The following SLC41A3 variants were observed in gnomAD, a reference collection of about 807,000 sequenced individuals.
SLC41A3 encodes the protein solute carrier family 41 member 3, also known as SLC41A1-like 2.
SLC41A3 carries 44 observed loss-of-function variants against 45.4 expected under a neutral mutation model. That is an observed-to-expected ratio of 0.97 (90% CI 0.76 to 1.25). The LOEUF (loss-of-function observed/expected upper bound fraction) is 1.25. SLC41A3 is among the 50% of genes most tolerant of loss of function. SLC41A3 has a pLI of 0.00. For synonymous variants in SLC41A3, 256 were observed against 252.4 expected, an observed-to-expected ratio of 1.01 and a Z score of -0.13; for missense variants, 550 against 600.6, an observed-to-expected ratio of 0.92 and a Z score of 0.88.
intron 2 of SLC41A3, among the ~76,000 whole-genome samples, chr3:126,059,794 GACA>G (rs1559870642): frequency 4.6e-5 from 7 of 152,310 alleles, no homozygotes; most frequent in Middle Eastern, 3.4e-3. Flanking sequence ...CCTGGTTAAA[GACA>G]GAGTCCTCTG....
intron 2 of SLC41A3, chr3:126,056,295 T>C: frequency 6.4e-7 from 1 of 1,567,872 alleles, no homozygotes; most frequent in Admixed American, 1.7e-5. Context: ...GCCCTGTCTG[T>C]GGTGCCAGGA....
intron 2 of SLC41A3, among the ~76,000 whole-genome samples, chr3:126,064,334 T>C (rs1437222588): frequency 2.6e-5 from 4 of 152,048 alleles, no homozygotes; most frequent in Admixed American, 2.6e-4. Flanking sequence ...TGCCACCCTG[T>C]GGAATTACGC....
intron 8 of SLC41A3, among the ~76,000 whole-genome samples, chr3:126,013,881 C>A (rs76132619): frequency 0.017 from 2,512 of 152,146 alleles, 65 homozygotes; most frequent in Non-Finnish European, 0.018. Context: ...ACACAGAACC[C>A]TAGAGGCAGA....
Position 126,015,412 on chromosome 3 carries a change from C to CT in SLC41A3, c.970+81dup, listed in dbSNP as rs1940173683. On this transcript the variant is annotated intron_variant, in intron 8 of 10. Transcript: ENST00000360370. ...CCTGTGCGGGGCTGGTGCTGCCCCT[C>CT]TGAGGTCTGCTGTTCCGGTCCAACC... The CT allele has an allele frequency of 2.3e-5, 33 of 1,427,126 alleles. No individual in the cohort carries two copies. In the East Asian group the frequency reaches 7.6e-4, roughly 33 times the overall value. 88.4% of individuals were successfully genotyped at this position (1,427,126 alleles called of 1,614,324 possible). A position where few individuals can be genotyped will look rare whatever the true frequency, so the allele number is the denominator to read the frequency against.
rs561162701 is a variant in SLC41A3, at chr3:126,026,183, G to A, written c.598+152C>T. On this transcript the variant is annotated intron_variant, in intron 5 of 10. Coordinates refer to ENST00000360370, the MANE Select transcript of SLC41A3 (RefSeq NM_017836.4). The surrounding 1 kb of genome is among the most constrained non-coding windows in gnomAD (Gnocchi z 4.2). ...TGGGCCATGAAGACCCAGCTGGCTC[G>A]TCCCACCCTGCCAGTGAGAACCCTG... 1.0e-4 allele frequency: 128 copies of A among 1,250,590 alleles called. 1 individual carries two copies. Among genetic ancestry groups the A allele is most frequent in the South Asian group, 3.0e-4 (19 of 64,062 alleles). 77.5% of individuals were successfully genotyped at this position (1,250,590 alleles called of 1,614,324 possible).
At chr3:126,025,556 G>A (rs1284112101) in intron 5 of SLC41A3, 1 of 152,096 alleles carries the variant, frequency 6.6e-6, no homozygotes, top group African/African-American at 2.4e-5. Flanking sequence ...CCCACATGTT[G>A]AAATCCTCAC....
chr3:126,068,604 C>T (rs907903243), intron 1 of SLC41A3, among the ~76,000 whole-genome samples: 1 of 152,178 alleles, frequency 6.6e-6, no homozygotes, highest in Non-Finnish European at 1.5e-5. Flanking sequence ...CTCAAGGCAT[C>T]CAGGAATACC....
intron 1 of SLC41A3, among the ~76,000 whole-genome samples, chr3:126,090,697 C>G (rs1945473664): frequency 6.6e-6 from 1 of 152,106 alleles, no homozygotes; most frequent in South Asian, 2.1e-4. Context: ...AGATGAGTCC[C>G]TCGTTTAGCA....
Position 126,008,377 on chromosome 3 carries a change from G to A in SLC41A3, c.1254+355C>T, listed in dbSNP as rs1939339644. Among the ~76,000 whole-genome samples the A allele has an allele frequency of 4.0e-5, 6 of 151,758 alleles. No homozygotes were observed. The South Asian group carries it at 1.2e-3, about 31-fold the overall frequency. ...GTGTGCACTGTGTGGTGTGGAGTGT[G>A]TGGTGTGAAGTGTGTGGTGTGGAGT... On this transcript the variant is annotated intron_variant, in intron 10 of 10. Transcript: ENST00000360370.
In SLC41A3 at chr3:126,008,837, G is replaced by A; in HGVS notation, c.1149C>T (p.Val383=). 6.2e-7 allele frequency: 1 copy of A among 1,614,140 alleles called. No homozygotes were observed. The highest frequency in any genetic ancestry group is 8.5e-7 in the Non-Finnish European group (1 of 1,180,022). The change falls in exon 10 of 11, where the codon GTC becomes GTT. Residue 383 remains valine (V), a synonymous_variant. Transcript: ENST00000360370. ...MSARVLLLLV[V]PGHLIFFYII... is the part of the protein sequence containing the mutation. ...TGTAGAAGAAAATCAGATGGCCTGG[G>A]ACCACCAGCAAGAGCAGGACTCGAG... is the stretch of plus-strand genomic sequence containing the variant.
At chr3:126,011,822 G>T (rs1939743698) in intron 9 of SLC41A3, among the ~76,000 whole-genome samples, 1 of 152,182 alleles carries the variant, frequency 6.6e-6, no homozygotes, top group African/African-American at 2.4e-5. Flanking sequence ...TACAACCAGT[G>T]AAAATATCCT....
At chr3:126,043,425 C>T (rs888646438) in intron 3 of SLC41A3, among the ~76,000 whole-genome samples, 3 of 151,848 alleles carry the variant, frequency 2.0e-5, no homozygotes, top group African/African-American at 7.3e-5. Flanking sequence ...TGAAAGAATG[C>T]CAGACAGGAA....
In SLC41A3 at chr3:126,068,235, C is replaced by T. The variant is rs752040547; in HGVS notation, c.-16G>A. 8.9e-5 allele frequency: 133 copies of T among 1,500,464 alleles called. 1 individual carries two copies. The highest frequency in any genetic ancestry group is 2.2e-4 in the Middle Eastern group (1 of 4,508). The allele number at this position is 1,500,464 out of a possible 1,614,324, so 92.9% of individuals were successfully genotyped here. A position where few individuals can be genotyped will look rare whatever the true frequency, so the allele number is the denominator to read the frequency against. On this transcript the variant is annotated 5_prime_UTR_variant, in exon 2 of 11. Coordinates refer to ENST00000360370, the MANE Select transcript of SLC41A3 (RefSeq NM_017836.4). ...TCCCATCCATCTGGGCACAGCTGGG[C>T]GCCTGGCAGCCCTACAGTGGGAGAC...
intron 6 of SLC41A3, among the ~76,000 whole-genome samples, chr3:126,022,143 T>C (rs1940941298): frequency 5.3e-5 from 8 of 152,220 alleles, no homozygotes; most frequent in Admixed American, 5.2e-4. Context: ...GCTTTAAACC[T>C]TGCCTGTGTC....
chr3:126,033,535 C>A (rs1941957572), intron 4 of SLC41A3, 72 bp downstream of exon 4: 2 of 1,530,780 alleles, frequency 1.3e-6, no homozygotes, highest in Admixed American at 1.9e-5. Flanking sequence ...GCTCGCTTAG[C>A]CTTCACCCTT....
intron 8 of SLC41A3, among the ~76,000 whole-genome samples, chr3:126,014,818 A>G (rs1013674768): frequency 3.3e-5 from 5 of 152,212 alleles, no homozygotes; most frequent in Non-Finnish European, 4.4e-5. Flanking sequence ...CATTTACAGA[A>G]ACTTATCAGA....
Position 126,031,828 on chromosome 3 carries a change from C to T in SLC41A3, c.453+1779G>A, listed in dbSNP as rs192397768. On this transcript the variant is annotated intron_variant, in intron 4 of 10. Coordinates refer to ENST00000360370, the MANE Select transcript of SLC41A3 (RefSeq NM_017836.4). ...CATTTATTACCTGCCCCTTGCTAGA[C>T]CTTGTGTTAGAGGCATCCCCAGCAT... Among the ~76,000 whole-genome samples the T allele has an allele frequency of 5.9e-5, 9 of 152,318 alleles. No homozygotes were observed. The East Asian group carries it at 1.4e-3, about 23-fold the overall frequency.
intron 2 of SLC41A3, among the ~76,000 whole-genome samples, chr3:126,055,092 G>C (rs1254783501): frequency 6.6e-6 from 1 of 152,150 alleles, no homozygotes; most frequent in Non-Finnish European, 1.5e-5. Flanking sequence ...TCTCCAACTT[G>C]GACCCAGGGG....
intron 1 of SLC41A3, among the ~76,000 whole-genome samples, chr3:126,083,393 GAAGA>G (rs1332865509): frequency 6.6e-6 from 1 of 152,224 alleles, no homozygotes; most frequent in Non-Finnish European, 1.5e-5. Context: ...GAAAAAACTG[GAAGA>G]AAGAGGAAAA....
Sources: gnomAD v4.1 joint callset for allele counts (sites outside exome capture counted in the v4.1 genomes callset) on GRCh38, gnomAD v4.1.1 for gene constraint, Gnocchi (gnomAD v3.1) non-coding constraint, MANE v1.5 for transcripts, NCBI Gene and HGNC (gene_info 2026-07-23, HGNC 2026-07-21) for gene names.